Variants in ZNF462 observed in about 807,000 individuals in gnomAD.
ZNF462 encodes the protein zinc finger protein 462, also known as zinc finger PBX1-interacting protein.
In ZNF462, 10 loss-of-function variants were observed where a neutral mutation model predicts 201.9. The observed-to-expected ratio is 0.05, with a 90% CI of 0.03 to 0.08. The LOEUF (loss-of-function observed/expected upper bound fraction) is 0.08. Among genes scored for constraint, ZNF462 ranks in the 10% least tolerant of loss-of-function variants. ZNF462 has a pLI of 1.00. For missense variants in ZNF462, 2,523 were observed against 3,168.3 expected (o/e 0.80, Z 4.89); for synonymous variants, 1,227 against 1,193.3 (o/e 1.03, Z -0.58).
Position 106,927,525 on chromosome 9 carries a change from G to A in ZNF462, c.3613G>A (p.Val1205Ile). Residue 1205 changes from valine to isoleucine, a missense_variant, in exon 3 of 13, where the codon GTC (valine) becomes ATC (isoleucine). Val to Ile is a conservative substitution (Grantham distance 29). Coordinates refer to ENST00000277225, the MANE Select transcript of ZNF462 (RefSeq NM_021224.6). ...GCACTGTGATTATGGGAACCGGACG[G>A]TCAAAGGGGTACTCATTCATTATCA... Reference protein sequence around the residue: ...CQHCDYGNRTVKGVLIHYQKK... With the variant: ...CQHCDYGNRTIKGVLIHYQKK... 3 of 1,613,928 alleles carry A rather than the reference G, an allele frequency of 1.9e-6. No homozygotes were observed. Among genetic ancestry groups the A allele is most frequent in the Admixed American group, 1.7e-5 (1 of 60,002 alleles).
At position 106,925,711 on chromosome 9, in the gene ZNF462, A is replaced by G; in HGVS notation, c.1799A>G (p.Tyr600Cys). The G allele has an allele frequency of 6.2e-7, 1 of 1,614,154 alleles. No individual in the cohort carries two copies. Among genetic ancestry groups the G allele is most frequent in the Non-Finnish European group, 8.5e-7 (1 of 1,180,032 alleles). The change falls in exon 3 of 13, where the codon TAC becomes TGC. Residue 600 changes from tyrosine (Y) to cysteine (C), a missense_variant. By Grantham distance (194) the Tyr-to-Cys change is radical (BLOSUM62 -2). Transcript: ENST00000277225. The surrounding 1 kb of genome is among the most constrained non-coding windows in gnomAD (Gnocchi z 7.9). The stretch of plus-strand genomic sequence containing the variant: ...ACACAAGCCGCACCTCTGCACCCAT[A>G]CAAATGCACCATGTGTAATTACTCC... ...PPTQAAPLHP[Y>C]KCTMCNYSTT...
At chr9:106,860,916 C>T (rs951667918), upstream of ZNF462, among the ~76,000 whole-genome samples, 1 of 152,020 alleles carries the variant, frequency 6.6e-6, no homozygotes, top group African/African-American at 2.4e-5. This position sits in a 1 kb window ranked among gnomAD's most constrained non-coding sequence, Gnocchi z 7.1. Context: ...CCGGAACAGC[C>T]TCAGCGTCCT....
In ZNF462 at chr9:106,935,383, A is replaced by G. The variant is rs1830590490; in HGVS notation, c.6117-120A>G. 1 of 721,286 alleles carries G rather than the reference A, an allele frequency of 1.4e-6. No homozygotes were observed. The highest frequency in any genetic ancestry group is 1.8e-5 in the African/African-American group (1 of 56,516). 44.7% of individuals were successfully genotyped at this position (721,286 alleles called of 1,614,324 possible). On this transcript the variant is annotated intron_variant, in intron 5 of 12. Transcript: ENST00000277225. The surrounding 1 kb of genome is among the most constrained non-coding windows in gnomAD (Gnocchi z 4.1). ...AAATTGATAAATGCCATTATTGGAAAGTAAACAAAAGGACTTTGAACGACC... is the reference window on the plus strand; with the variant it reads ...AAATTGATAAATGCCATTATTGGAAGGTAAACAAAAGGACTTTGAACGACC...
upstream of ZNF462, chr9:106,863,079 GGAGAGA>G (rs1034705811): frequency 3.5e-5 from 14 of 394,814 alleles, no homozygotes; most frequent in South Asian, 1.3e-4. Flanking sequence ...GAGAGAGAGG[GGAGAGA>G]GAGAGTGAGA....
upstream of ZNF462, among the ~76,000 whole-genome samples, chr9:106,862,769 CCTT>C (rs779991538): frequency 1.2e-4 from 18 of 152,188 alleles, no homozygotes; most frequent in Non-Finnish European, 1.8e-4. This position sits in a 1 kb window ranked among gnomAD's most constrained non-coding sequence, Gnocchi z 4.2. Flanking sequence ...TCCAGCTTCT[CCTT>C]CTGCTCTTCT....
At chr9:106,979,466 G>T (rs1827255778) in intron 9 of ZNF462, 1 of 151,684 alleles carries the variant, frequency 6.6e-6, no homozygotes, top group Admixed American at 6.5e-5. Context: ...CTCGAACAGG[G>T]GATTCACCAC....
Position 106,928,839 on chromosome 9 carries a change from C to A in ZNF462, c.4927C>A (p.Pro1643Thr). ...CACTGAGGAGGAGGTGGGAGAGGAG[C>A]CCGTGTCCACTTCTCACTTCTCTAC... ...SITEEEVGEEPVSTSHFSTSH... is the reference protein window; with the variant it reads ...SITEEEVGEETVSTSHFSTSH... The change falls in exon 3 of 13, where the codon CCC becomes ACC. Residue 1643 changes from proline to threonine, a missense_variant. Pro to Thr is a conservative substitution (Grantham distance 38, BLOSUM62 -1). Around this residue, in one of 15 missense-constraint regions of ZNF462, gnomAD observed 200 missense variants for 281.3 expected, o/e 0.71. Transcript: ENST00000277225. The surrounding 1 kb of genome is among the most constrained non-coding windows in gnomAD (Gnocchi z 9.3). 6.2e-7 allele frequency: 1 copy of A among 1,614,066 alleles called. No individual in the cohort carries two copies. Among genetic ancestry groups the A allele is most frequent in the South Asian group, 1.1e-5 (1 of 91,072 alleles).
intron 10 of ZNF462, among the ~76,000 whole-genome samples, chr9:107,000,505 T>TTGTG (rs1361433924): frequency 1.3e-5 from 2 of 152,068 alleles, no homozygotes; most frequent in East Asian, 3.9e-4. Context: ...AGGATTAATA[T>TTGTG]TTGGATAGAT....
intron 10 of ZNF462, among the ~76,000 whole-genome samples, chr9:106,986,568 A>G (rs1237347565): frequency 3.9e-5 from 6 of 152,192 alleles, no homozygotes; most frequent in African/African-American, 1.4e-4. Flanking sequence ...GACCTAAAAC[A>G]TATTACAAAA....
At position 106,950,907 on chromosome 9, in the gene ZNF462, T is replaced by A. The variant is rs1251268338; in HGVS notation, c.6427+11800T>A. 6.6e-6 allele frequency among the ~76,000 whole-genome samples: 1 copy of A among 152,032 alleles called. No individual in the cohort carries two copies. Among genetic ancestry groups the A allele is most frequent in the Non-Finnish European group, 1.5e-5 (1 of 68,014 alleles). ...GAGTTCAAGACCAGCCTGGCCAACA[T>A]AGTGAAACCCCATCTCTACTAAAAA... is the stretch of plus-strand genomic sequence containing the variant. On this transcript the variant is annotated intron_variant, in intron 7 of 12. Transcript: ENST00000277225. The surrounding 1 kb of genome is among the most constrained non-coding windows in gnomAD (Gnocchi z 4.1).
rs562614451 is a variant in ZNF462, at chr9:106,978,374, A to T, written c.6832+4101A>T. Among the ~76,000 whole-genome samples, 1 of 151,828 alleles carries T rather than the reference A, an allele frequency of 6.6e-6. No homozygotes were observed. The highest frequency in any genetic ancestry group is 2.4e-5 in the African/African-American group (1 of 41,072). On this transcript the variant is annotated intron_variant, in intron 9 of 12. Transcript: ENST00000277225. The surrounding 1 kb of genome is among the most constrained non-coding windows in gnomAD (Gnocchi z 4.1). Reference sequence around the variant, plus strand: ...CAGAGAAGTATGTTCTGGCCAAAGTATGAAGCGCCTGGATACTAATATAGA... The same window carrying T: ...CAGAGAAGTATGTTCTGGCCAAAGTTTGAAGCGCCTGGATACTAATATAGA...
At chr9:106,986,901 A>G (rs1238845551) in intron 10 of ZNF462, among the ~76,000 whole-genome samples, 1 of 152,084 alleles carries the variant, frequency 6.6e-6, no homozygotes, top group Admixed American at 6.6e-5. Flanking sequence ...CACTTAGAAT[A>G]CTAGTCTCCA....
rs1394145731 is a variant in ZNF462 at position 106,963,760 on chromosome 9, T to C, written c.6428-8245T>C. Among the ~76,000 whole-genome samples, 1 of 152,060 alleles carries C rather than the reference T, an allele frequency of 6.6e-6. No individual in the cohort carries two copies. The highest frequency in any genetic ancestry group is 1.9e-4 in the East Asian group (1 of 5,186). ...ATATAGGATAGTATTGTTAACTGTA[T>C]ACACATTGTTATACAGCAGATCTCT... On this transcript the variant is annotated intron_variant, in intron 7 of 12. Coordinates refer to ENST00000277225, the MANE Select transcript of ZNF462 (RefSeq NM_021224.6). This position sits in a 1 kb window ranked among gnomAD's most constrained non-coding sequence, Gnocchi z 4.7.
chr9:106,923,238 T>C lies in ZNF462; in HGVS notation c.-30-116T>C. 1 of 723,522 alleles carries C rather than the reference T, an allele frequency of 1.4e-6. No individual in the cohort carries two copies. The highest frequency in any genetic ancestry group is 1.8e-5 in the South Asian group (1 of 54,342). 44.8% of individuals were successfully genotyped at this position (723,522 alleles called of 1,614,324 possible). A position where few individuals can be genotyped will look rare whatever the true frequency, so the allele number is the denominator to read the frequency against. ...CAATGTTCCAACTGGCAAAGTCCAA[T>C]AAGAGAAATCTACTGATACTGGAAT... On this transcript the variant is annotated intron_variant, in intron 1 of 12. Coordinates refer to ENST00000277225, the MANE Select transcript of ZNF462 (RefSeq NM_021224.6). This position sits in a 1 kb window ranked among gnomAD's most constrained non-coding sequence, Gnocchi z 5.6.
In ZNF462 at chr9:106,883,326, G is replaced by T. The variant is rs1828183725; in HGVS notation, c.-31+19971G>T. The stretch of plus-strand genomic sequence containing the variant: ...AAAGTATGTGTTAAAGCAAGACTAG[G>T]ATAATAGCGGGAAAGTCAAAGCCTT... On this transcript the variant is annotated intron_variant, in intron 1 of 12. Transcript: ENST00000277225. The surrounding 1 kb of genome is among the most constrained non-coding windows in gnomAD (Gnocchi z 4.9). Among the ~76,000 whole-genome samples, 1 of 152,202 alleles carries T rather than the reference G, an allele frequency of 6.6e-6. No individual in the cohort carries two copies. Among genetic ancestry groups the T allele is most frequent in the African/African-American group, 2.4e-5 (1 of 41,454 alleles).
Position 106,972,321 on chromosome 9 carries a change from T to A in ZNF462, c.6695+49T>A, listed in dbSNP as rs1292749117. ...TGGAAAACAAGGCGGCCGCCCCTGCTCCACCCCTCACTGCAGGCTTCCCTT... is the reference window on the plus strand; with the variant it reads ...TGGAAAACAAGGCGGCCGCCCCTGCACCACCCCTCACTGCAGGCTTCCCTT... On this transcript the variant is annotated intron_variant, in intron 8 of 12. Transcript: ENST00000277225. This position sits in a 1 kb window ranked among gnomAD's most constrained non-coding sequence, Gnocchi z 4.8. The A allele has an allele frequency of 6.3e-7, 1 of 1,579,874 alleles. No homozygotes were observed. The highest frequency in any genetic ancestry group is 1.7e-4 in the Middle Eastern group (1 of 5,840).
chr9:106,864,560 C>T (rs1827245745), intron 1 of ZNF462, among the ~76,000 whole-genome samples: 1 of 152,148 alleles, frequency 6.6e-6, no homozygotes, highest in African/African-American at 2.4e-5. Flanking sequence ...AGCTCCTTCT[C>T]ACGTTCATTC....
In ZNF462 at chr9:106,981,476, C is replaced by T. The variant is rs1030781819; in HGVS notation, c.6833-2710C>T. On this transcript the variant is annotated intron_variant, in intron 9 of 12. Coordinates refer to ENST00000277225, the MANE Select transcript of ZNF462 (RefSeq NM_021224.6). The surrounding 1 kb of genome is among the most constrained non-coding windows in gnomAD (Gnocchi z 4.0). ...GGAAGTAGCTTAATTGATCAGTTCTCGGTTTCCACATCAACAAACTGAAGA... is the reference window on the plus strand; with the variant it reads ...GGAAGTAGCTTAATTGATCAGTTCTTGGTTTCCACATCAACAAACTGAAGA... Among the ~76,000 whole-genome samples, 2 of 152,138 alleles carry T rather than the reference C, an allele frequency of 1.3e-5. No homozygotes were observed. Among genetic ancestry groups the T allele is most frequent in the South Asian group, 2.1e-4 (1 of 4,818 alleles).
At chr9:106,944,056 CAG>C (rs2131678551) in intron 7 of ZNF462, among the ~76,000 whole-genome samples, 1 of 152,160 alleles carries the variant, frequency 6.6e-6, no homozygotes, top group East Asian at 1.9e-4. Context: ...AAGGTTGAGA[CAG>C]GGTATAAACC....
Sources: allele counts gnomAD v4.1 joint callset (sites outside exome capture counted in the v4.1 genomes callset), GRCh38; gene constraint gnomAD v4.1.1; regional missense constraint gnomAD v4.1.1; non-coding constraint Gnocchi (gnomAD v3.1); transcripts MANE v1.5; gene names NCBI Gene and HGNC (gene_info 2026-07-23, HGNC 2026-07-21).